The following TTC7A variants were observed in gnomAD, a reference collection of about 807,000 sequenced individuals.
The protein encoded by TTC7A is tetratricopeptide repeat domain 7A.
TTC7A carries 110 observed loss-of-function variants against 103.7 expected under a neutral mutation model. The observed-to-expected ratio is 1.06, with a 90% CI of 0.91 to 1.24. TTC7A has a LOEUF of 1.24. TTC7A is among the 50% of genes most tolerant of loss of function. The pLI is 0.00. For synonymous variants in TTC7A, 521 were observed against 467.9 expected (o/e 1.11, Z -1.47); for missense variants, 1,340 against 1,116.3 (o/e 1.20, Z -2.86).
At chr2:46,964,614 CT>C (rs1672678945) in intron 3 of TTC7A, among the ~76,000 whole-genome samples, 1 of 152,118 alleles carries the variant, frequency 6.6e-6, no homozygotes, top group Non-Finnish European at 1.5e-5. Context: ...AGGATGAAGC[CT>C]TTGTGGATCC....
At chr2:47,017,444 G>A (rs1429108146) in intron 11 of TTC7A, among the ~76,000 whole-genome samples, 1 of 151,752 alleles carries the variant, frequency 6.6e-6, no homozygotes, top group African/African-American at 2.4e-5. Flanking sequence ...GGCTGAGGTG[G>A]GAGGATCGCT....
At chr2:47,032,505 G>T (rs1680660708) in intron 15 of TTC7A, among the ~76,000 whole-genome samples, 1 of 152,168 alleles carries the variant, frequency 6.6e-6, no homozygotes, top group Admixed American at 6.5e-5. Context: ...GGGGCCTAGG[G>T]GAATCAGCTC....
chr2:47,073,472 GCTC>G (rs890362893), intron 19 of TTC7A, among the ~76,000 whole-genome samples: 1 of 152,224 alleles, frequency 6.6e-6, no homozygotes, highest in Non-Finnish European at 1.5e-5. Context: ...CAGGAACAGA[GCTC>G]CTGCAGTGGG....
chr2:47,003,604 G>A (rs1206144603), intron 8 of TTC7A, among the ~76,000 whole-genome samples: 1 of 152,202 alleles, frequency 6.6e-6, no homozygotes, highest in East Asian at 1.9e-4. Context: ...ACAGGCAGGA[G>A]GGTCCCCAGA....
chr2:47,005,483 A>C (rs1677279055), intron 8 of TTC7A, among the ~76,000 whole-genome samples: 1 of 152,210 alleles, frequency 6.6e-6, no homozygotes, highest in African/African-American at 2.4e-5. Flanking sequence ...TGAGAGAGAA[A>C]GGTGGAGGGC....
At chr2:46,994,734 A>G (rs1212129147) in intron 7 of TTC7A, among the ~76,000 whole-genome samples, 1 of 152,200 alleles carries the variant, frequency 6.6e-6, no homozygotes, top group Non-Finnish European at 1.5e-5. Context: ...CGGAGACCAA[A>G]GAAATCATTT....
intron 2 of TTC7A, 130 bp downstream of exon 2, chr2:46,950,656 A>C: frequency 1.0e-6 from 1 of 960,968 alleles, no homozygotes; most frequent in Non-Finnish European, 1.5e-6. Flanking sequence ...TTGCACTTAC[A>C]GTAGCCACTG....
At chr2:47,051,623 C>T (rs544604101) in intron 17 of TTC7A, 123 bp from the exon 18 acceptor site, 18 of 1,276,280 alleles carry the variant, frequency 1.4e-5, no homozygotes, top group South Asian at 4.0e-5. Context: ...GCTGCCCAGC[C>T]GCACCACCCT....
intron 8 of TTC7A, 102 bp from the exon 9 acceptor site, chr2:47,005,820 A>G: frequency 7.2e-7 from 1 of 1,384,998 alleles, no homozygotes; most frequent in East Asian, 2.3e-5. Flanking sequence ...GGCAGTGGCA[A>G]AAAGGTGATA....
At position 47,074,480 on chromosome 2, in the gene TTC7A, T is replaced by TGCCTTTGGG. The variant is rs1385300878; in HGVS notation, c.*559_*567dup. ...CTTGCTCTTTCCCCCTGCTACCAAG[T>TGCCTTTGGG]GCCTTTGGGGTCTGACCAGGGGTAC... On this transcript the variant is annotated 3_prime_UTR_variant, in exon 20 of 20. Coordinates refer to ENST00000319190, the MANE Select transcript of TTC7A (RefSeq NM_020458.4). 3 of 35,382 alleles carry TGCCTTTGGG rather than the reference T, an allele frequency of 8.5e-5. No homozygotes were observed. The highest frequency in any genetic ancestry group is 1.4e-4 in the Non-Finnish European group (3 of 21,060). The allele number at this position is 35,382 out of a possible 1,614,324, so 2.2% of individuals were successfully genotyped here.
intron 8 of TTC7A, chr2:46,999,729 GA>G (rs1229228024): frequency 1.0e-6 from 1 of 985,342 alleles, no homozygotes; most frequent in Non-Finnish European, 1.2e-6. Flanking sequence ...GGAACTAGGA[GA>G]TACAGGAATC....
intron 5 of TTC7A, among the ~76,000 whole-genome samples, chr2:46,979,448 C>A (rs1674219621): frequency 1.3e-5 from 2 of 152,114 alleles, no homozygotes; most frequent in Admixed American, 1.3e-4. Flanking sequence ...GCTGACGAAG[C>A]AGCAGAAGTG....
chr2:47,013,962 T>C (rs1187076180), intron 11 of TTC7A, among the ~76,000 whole-genome samples: 1 of 152,146 alleles, frequency 6.6e-6, no homozygotes, highest in Non-Finnish European at 1.5e-5. Flanking sequence ...CCTTCCCTGA[T>C]CTGGAAGCTT....
chr2:47,005,388 C>T (rs115360269), intron 8 of TTC7A, among the ~76,000 whole-genome samples: 5,726 of 152,272 alleles, frequency 0.038, 142 homozygotes, highest in Middle Eastern at 0.068. Flanking sequence ...AGCCAAAACT[C>T]TTGCTGTAAT....
chr2:47,072,049 C>T (rs185541572), intron 19 of TTC7A, among the ~76,000 whole-genome samples: 289 of 152,310 alleles, frequency 1.9e-3, no homozygotes, highest in African/African-American at 6.4e-3. Context: ...GGCCTCCTTC[C>T]CTCCTCCCTG....
At chr2:47,014,817 C>T (rs1243285746) in intron 11 of TTC7A, among the ~76,000 whole-genome samples, 1 of 152,238 alleles carries the variant, frequency 6.6e-6, no homozygotes, top group Non-Finnish European at 1.5e-5. Context: ...ATTTGGAAAA[C>T]GAGTTGTGCT....
At chr2:46,918,032 G>A (rs1209104969) in intron 2 of TTC7A, among the ~76,000 whole-genome samples, 1 of 152,116 alleles carries the variant, frequency 6.6e-6, no homozygotes, top group Non-Finnish European at 1.5e-5. Flanking sequence ...TTTATAAATA[G>A]ATGACTCCAA....
intron 15 of TTC7A, among the ~76,000 whole-genome samples, chr2:47,038,916 GGATACAAA>G (rs1681448535): frequency 1.3e-5 from 2 of 152,192 alleles, no homozygotes; most frequent in South Asian, 4.2e-4. Context: ...CAGGCACCAA[GGATACAAA>G]GATAAGAAAG....
intron 17 of TTC7A, 186 bp downstream of exon 17, chr2:47,050,232 C>G: frequency 1.7e-6 from 1 of 598,200 alleles, no homozygotes; most frequent in Non-Finnish European, 3.0e-6. Flanking sequence ...CTGCTGGTCC[C>G]ACAGTGGGCA....
Sources: gnomAD v4.1 joint callset for allele counts (sites outside exome capture counted in the v4.1 genomes callset) on GRCh38, gnomAD v4.1.1 for gene constraint, MANE v1.5 for transcripts, NCBI Gene and HGNC (gene_info 2026-07-23, HGNC 2026-07-21) for gene names.